The following ADNP variants were observed in gnomAD, a reference collection of about 807,000 sequenced individuals.
The protein encoded by ADNP is activity-dependent neuroprotector homeobox protein.
ADNP carries 4 observed loss-of-function variants against 84.9 expected under a neutral mutation model. That is an observed-to-expected ratio of 0.05 (90% CI 0.02 to 0.11). ADNP has a LOEUF of 0.11. Ranked by LOEUF, ADNP falls within the 10% of genes least tolerant of loss-of-function variation. ADNP has a pLI of 1.00. For synonymous variants in ADNP, 554 were observed against 468.1 expected (o/e 1.18, Z -2.37); for missense variants, 1,132 against 1,326.0 (o/e 0.85, Z 2.27).
chr20:50,922,078 A>C (rs1263977665), intron 2 of ADNP, among the ~76,000 whole-genome samples: 2 of 152,182 alleles, frequency 1.3e-5, no homozygotes, highest in African/African-American at 4.8e-5. Context: ...AAGGGAAATA[A>C]TTCACAAGTA....
chr20:50,893,292 G>C lies in ADNP; in HGVS notation c.1422C>G (p.Val474=). The C allele has an allele frequency of 6.2e-7, 1 of 1,614,218 alleles. No individual in the cohort carries two copies. The highest frequency in any genetic ancestry group is 8.5e-7 in the Non-Finnish European group (1 of 1,180,042). ...HFEKEHKAEK[V]PAVANYIMKI... Reference sequence around the variant, plus strand: ...TCATAATGTAGTTGGCTACTGCTGGGACTTTCTCAGCTTTATGTTCTTTTT... The same window carrying C: ...TCATAATGTAGTTGGCTACTGCTGGCACTTTCTCAGCTTTATGTTCTTTTT... The change falls in exon 6 of 6, where the codon GTC becomes GTG. Residue 474 remains valine (V), a synonymous_variant. Coordinates refer to ENST00000621696, the MANE Select transcript of ADNP (RefSeq NM_001282531.3). This position sits in a 1 kb window ranked among gnomAD's most constrained non-coding sequence, Gnocchi z 4.4.
At position 50,903,977 on chromosome 20, in the gene ADNP, T is replaced by C. The variant is rs1982232826; in HGVS notation, c.20A>G (p.Asn7Ser). 6.2e-7 allele frequency: 1 copy of C among 1,613,652 alleles called. No homozygotes were observed. Among genetic ancestry groups the C allele is most frequent in the Admixed American group, 1.7e-5 (1 of 59,968 alleles). ...GGCTTTTCTTAAACTGCCAAGATTG[T>C]TGACAGGAAGTTGGAACATAGTTTC... MFQLPVNNLGSLRKARK... is the reference protein window; with the variant it reads MFQLPVSNLGSLRKARK... The change falls in exon 4 of 6, where the codon AAC (asparagine) becomes AGC (serine). Residue 7 changes from asparagine (N) to serine (S), a missense_variant. This residue lies in a region of ADNP where 56 missense variants were observed against 94.6 expected (regional missense o/e 0.59). Coordinates refer to ENST00000621696, the MANE Select transcript of ADNP (RefSeq NM_001282531.3).
At position 50,891,427 on chromosome 20, in the gene ADNP, T is replaced by G; in HGVS notation, c.3287A>C (p.Lys1096Thr). 1 of 1,610,120 alleles carries G rather than the reference T, an allele frequency of 6.2e-7. No individual in the cohort carries two copies. The highest frequency in any genetic ancestry group is 8.5e-7 in the Non-Finnish European group (1 of 1,178,730). ...EPMHGSLAGV[K>T]LSSQQA ...CACTTAGGCCTGTTGGCTGCTCAGT[T>G]TAACTCCGGCTAAGCTGCCATGCAT... The change falls in exon 6 of 6, where the codon AAA becomes ACA. Residue 1096 changes from lysine (K) to threonine (T), a missense_variant. Around this residue, in one of 10 missense-constraint regions of ADNP, gnomAD observed 381 missense variants for 319.9 expected, o/e 1.19. Transcript: ENST00000621696.
Position 50,889,310 on chromosome 20 carries a change from A to G in ADNP, c.*2095T>C, listed in dbSNP as rs994870408. On this transcript the variant is annotated 3_prime_UTR_variant, in exon 6 of 6. Transcript: ENST00000621696. ...CAGAAGCCTGTTAATCAGGGAGGGT[A>G]ATTTCCAAATAAATGTGAGCTGGCC... The G allele has an allele frequency of 8.5e-5, 13 of 152,196 alleles. No individual in the cohort carries two copies. The highest frequency in any genetic ancestry group is 3.1e-4 in the African/African-American group (13 of 41,450). The allele number at this position is 152,196 out of a possible 1,614,324, so 9.4% of individuals were successfully genotyped here.
At chr20:50,918,981 A>C (rs1398011599) in intron 2 of ADNP, among the ~76,000 whole-genome samples, 3 of 152,194 alleles carry the variant, frequency 2.0e-5, no homozygotes, top group East Asian at 1.9e-4. Flanking sequence ...CTGTGACTTA[A>C]AAGTTTTATT....
In ADNP at chr20:50,892,942, G is replaced by A; in HGVS notation, c.1772C>T (p.Pro591Leu). 1 of 1,614,192 alleles carries A rather than the reference G, an allele frequency of 6.2e-7. No individual in the cohort carries two copies. The highest frequency in any genetic ancestry group is 8.5e-7 in the Non-Finnish European group (1 of 1,180,034). ...YHAQNNPPVP[P>L]KPQPKVQEKA... ...TTCCTGAACCTTTGGCTGTGGCTTTGGAGGAACTGGAGGATTATTTTGGGC... is the reference window on the plus strand; with the variant it reads ...TTCCTGAACCTTTGGCTGTGGCTTTAGAGGAACTGGAGGATTATTTTGGGC... Residue 591 changes from proline to leucine, a missense_variant, in exon 6 of 6, where the codon CCA (proline) becomes CTA (leucine). Pro to Leu is a moderately conservative substitution (Grantham distance 98). Coordinates refer to ENST00000621696, the MANE Select transcript of ADNP (RefSeq NM_001282531.3).
chr20:50,890,275 G>GAGTT lies in ADNP; in HGVS notation c.*1126_*1129dup. 5.6e-6 allele frequency: 1 copy of GAGTT among 178,186 alleles called. No homozygotes were observed. The highest frequency in any genetic ancestry group is 1.3e-4 in the East Asian group (1 of 7,752). 11.0% of individuals were successfully genotyped at this position (178,186 alleles called of 1,614,324 possible). On this transcript the variant is annotated 3_prime_UTR_variant, in exon 6 of 6. Coordinates refer to ENST00000621696, the MANE Select transcript of ADNP (RefSeq NM_001282531.3). Reference sequence around the variant, plus strand: ...ACTGTGGCTGCCATCTCTGATGAAAGAGTTATGGCATTAAATGGCAAAAGA... The same window carrying GAGTT: ...ACTGTGGCTGCCATCTCTGATGAAAGAGTTAGTTATGGCATTAAATGGCAAAAGA...
At chr20:50,907,766 TGTG>T (rs1306505560) in intron 2 of ADNP, among the ~76,000 whole-genome samples, 3 of 151,924 alleles carry the variant, frequency 2.0e-5, no homozygotes, top group African/African-American at 4.8e-5. Flanking sequence ...TGTGTGTGTG[TGTG>T]TTTTTTTTTG....
At chr20:50,906,849 T>TATA (rs1982524530) in intron 2 of ADNP, among the ~76,000 whole-genome samples, 1 of 152,180 alleles carries the variant, frequency 6.6e-6, no homozygotes, top group South Asian at 2.1e-4. Context: ...TTAAAAGGCT[T>TATA]ATAAATAAAG....
chr20:50,903,971 A>C lies in ADNP; in HGVS notation c.26T>G (p.Leu9Arg). Residue 9 changes from leucine to arginine, a missense_variant, in exon 4 of 6, where the codon CTT becomes CGT. By Grantham distance (102) the Leu-to-Arg change is moderately radical (BLOSUM62 -2). This residue lies in a region of ADNP where 56 missense variants were observed against 94.6 expected (regional missense o/e 0.59). Transcript: ENST00000621696. MFQLPVNN[L>R]GSLRKARKTV... ...TTTCCGGGCTTTTCTTAAACTGCCA[A>C]GATTGTTGACAGGAAGTTGGAACAT... The C allele has an allele frequency of 6.2e-7, 1 of 1,613,968 alleles. No individual in the cohort carries two copies. Among genetic ancestry groups the C allele is most frequent in the Non-Finnish European group, 8.5e-7 (1 of 1,180,000 alleles).
intron 2 of ADNP, among the ~76,000 whole-genome samples, chr20:50,918,030 G>A (rs1983645833): frequency 6.6e-6 from 1 of 152,142 alleles, no homozygotes; most frequent in Non-Finnish European, 1.5e-5. Flanking sequence ...GTAAAATGGT[G>A]GTTGCCAGGG....
intron 2 of ADNP, among the ~76,000 whole-genome samples, chr20:50,910,910 C>T (rs1381412703): frequency 6.6e-6 from 1 of 152,130 alleles, no homozygotes; most frequent in African/African-American, 2.4e-5. Context: ...CACCTCGGCC[C>T]CGCAAAGTGT....
intron 1 of ADNP, among the ~76,000 whole-genome samples, chr20:50,929,075 C>T (rs112000188): frequency 3.7e-4 from 57 of 152,360 alleles, no homozygotes; most frequent in African/African-American, 1.2e-3. Flanking sequence ...CCCATCTACA[C>T]ACTTAATCCA....
chr20:50,909,478 A>G (rs1982834167), intron 2 of ADNP: 1 of 152,144 alleles, frequency 6.6e-6, no homozygotes, highest in Non-Finnish European at 1.5e-5. Flanking sequence ...ATAAAAAAAG[A>G]AAAATATCCA....
At chr20:50,902,632 A>C (rs190475804) in intron 4 of ADNP, among the ~76,000 whole-genome samples, 1 of 152,344 alleles carries the variant, frequency 6.6e-6, no homozygotes, top group Admixed American at 6.5e-5. Context: ...TGTTAAATTT[A>C]TACTCTCATG....
At chr20:50,924,845 ACT>A (rs1219551724) in intron 2 of ADNP, among the ~76,000 whole-genome samples, 1 of 152,046 alleles carries the variant, frequency 6.6e-6, no homozygotes, top group African/African-American at 2.4e-5. Context: ...ATAATGCATG[ACT>A]CTTTTAGATT....
intron 2 of ADNP, among the ~76,000 whole-genome samples, chr20:50,907,266 C>T (rs1051607688): frequency 2.3e-5 from 3 of 132,328 alleles, no homozygotes; most frequent in Admixed American, 7.7e-5. Context: ...CCACCGCGCC[C>T]GGCATTTTTT....
intron 2 of ADNP, among the ~76,000 whole-genome samples, chr20:50,906,720 T>C (rs914825400): frequency 2.0e-5 from 3 of 152,146 alleles, no homozygotes; most frequent in Admixed American, 6.5e-5. Context: ...CTGGTAGGTA[T>C]TTTTTTCTGA....
chr20:50,930,229 T>C (rs1019087191), intron 1 of ADNP, among the ~76,000 whole-genome samples: 2 of 152,054 alleles, frequency 1.3e-5, no homozygotes, highest in Admixed American at 1.3e-4. Flanking sequence ...ACCAGGCAGC[T>C]GAGATTGGGG....
Sources: allele counts gnomAD v4.1 joint callset (sites outside exome capture counted in the v4.1 genomes callset), GRCh38; gene constraint gnomAD v4.1.1; regional missense constraint gnomAD v4.1.1; non-coding constraint Gnocchi (gnomAD v3.1); transcripts MANE v1.5; gene names NCBI Gene and HGNC (gene_info 2026-07-23, HGNC 2026-07-21).